The following ETS1 variants were observed in gnomAD, a reference collection of about 807,000 sequenced individuals.
The protein encoded by ETS1 is ETS proto-oncogene 1, transcription factor, also known as protein C-ets-1.
ETS1 carries 15 observed loss-of-function variants against 58.6 expected under a neutral mutation model. The observed-to-expected ratio is 0.26, with a 90% confidence interval of 0.17 to 0.39. The LOEUF is 0.39. Among genes scored for constraint, ETS1 ranks in the 10% least tolerant of loss-of-function variants. The probability of loss-of-function intolerance (pLI) is 1.00; values close to 1 mark genes in which losing one functional copy is unlikely to be tolerated. For missense variants in ETS1, 417 were observed against 610.5 expected, an observed-to-expected ratio of 0.68 and a Z score of 3.34; for synonymous variants, 214 against 218.2, an observed-to-expected ratio of 0.98 and a Z score of 0.17.
intron 3 of ETS1, among the ~76,000 whole-genome samples, chr11:128,541,501 G>C (rs921700727): frequency 6.6e-5 from 10 of 152,188 alleles, no homozygotes; most frequent in African/African-American, 2.4e-4. Context: ...GAAATAAATG[G>C]TGAAGTCCTT....
rs539581978 is a variant in ETS1, at chr11:128,556,492, C to T, written c.70-57G>A. 41 of 1,212,838 alleles carry T rather than the reference C, an allele frequency of 3.4e-5. No homozygotes were observed. The African/African-American group carries it at 5.8e-4, about 17-fold the overall frequency. 75.1% of individuals were successfully genotyped at this position (1,212,838 alleles called of 1,614,324 possible). ...AGGAGGAAAATCTCTGTTGTTTAGC[C>T]CTAAAGAACTATGACTTCATATTAT... is the stretch of plus-strand genomic sequence containing the variant. On this transcript the variant is annotated intron_variant, in intron 2 of 9. Coordinates refer to ENST00000392668, the MANE Select transcript of ETS1 (RefSeq NM_001143820.2).
intron 7 of ETS1, among the ~76,000 whole-genome samples, chr11:128,483,538 G>A (rs1296299945): frequency 6.6e-6 from 1 of 152,172 alleles, no homozygotes; most frequent in Non-Finnish European, 1.5e-5. Context: ...ATAAAAAAGA[G>A]CCAGAAAGGG....
intron 3 of ETS1, among the ~76,000 whole-genome samples, chr11:128,524,352 A>C (rs1038221012): frequency 1.3e-5 from 2 of 152,216 alleles, no homozygotes; most frequent in African/African-American, 4.8e-5. Context: ...TGTCCAAATC[A>C]AGGAATAGGG....
intron 3 of ETS1, among the ~76,000 whole-genome samples, chr11:128,554,742 C>T (rs1450300011): frequency 6.6e-6 from 1 of 151,796 alleles, no homozygotes; most frequent in Non-Finnish European, 1.5e-5. Context: ...TAAAGCAAGG[C>T]AGCTTTAATC....
chr11:128,485,345 A>G (rs1230972697), intron 6 of ETS1, among the ~76,000 whole-genome samples: 1 of 152,238 alleles, frequency 6.6e-6, no homozygotes, highest in Non-Finnish European at 1.5e-5. Flanking sequence ...TGAAATGAGG[A>G]TAGAGGTCAA....
intron 3 of ETS1, among the ~76,000 whole-genome samples, chr11:128,540,137 C>A (rs1039729768): frequency 1.3e-5 from 2 of 152,030 alleles, no homozygotes; most frequent in African/African-American, 2.4e-5. Context: ...CATGGTGAAA[C>A]CTTGTCTCTA....
At chr11:128,502,566 G>A (rs1177784854) in intron 3 of ETS1, among the ~76,000 whole-genome samples, 2 of 152,190 alleles carry the variant, frequency 1.3e-5, no homozygotes, top group East Asian at 1.9e-4. Flanking sequence ...CAAATAAAGA[G>A]GCCAAGAGCT....
intron 8 of ETS1, among the ~76,000 whole-genome samples, chr11:128,473,739 TTGA>T (rs1468810312): frequency 6.6e-6 from 1 of 152,194 alleles, no homozygotes; most frequent in African/African-American, 2.4e-5. Flanking sequence ...AGCGCTTCTC[TTGA>T]ATGAGCCTCT....
chr11:128,501,229 A>C (rs1266847594), intron 3 of ETS1, among the ~76,000 whole-genome samples: 1 of 152,212 alleles, frequency 6.6e-6, no homozygotes, highest in Admixed American at 6.5e-5. Context: ...CCTGAAGAGC[A>C]TCACAAGCAT....
intron 2 of ETS1, among the ~76,000 whole-genome samples, chr11:128,567,933 C>T (rs1351899837): frequency 1.3e-5 from 2 of 152,106 alleles, no homozygotes; most frequent in Non-Finnish European, 2.9e-5. Flanking sequence ...CGCGGCCAGC[C>T]AAGAGTGAGG....
At chr11:128,505,263 C>A (rs992664721) in intron 3 of ETS1, 1 of 152,248 alleles carries the variant, frequency 6.6e-6, no homozygotes, top group Admixed American at 6.5e-5. Flanking sequence ...ATACAACAAA[C>A]CCCACTGACA....
At chr11:128,514,700 G>A (rs1264166574) in intron 3 of ETS1, among the ~76,000 whole-genome samples, 2 of 152,184 alleles carry the variant, frequency 1.3e-5, no homozygotes, top group African/African-American at 4.8e-5. Flanking sequence ...ACCCAGGGAA[G>A]ACTTCATCTG....
Position 128,556,386 on chromosome 11 carries a change from A to G in ETS1, c.119T>C (p.Phe40Ser). ...TCTTTGCTGGTGATAATTGGACTGG[A>G]AACCACAGTTCATTCGAGGATCTTC... is the stretch of plus-strand genomic sequence containing the variant. ...TYEDPRMNCGFQSNYHQQRPC... is the reference protein window; with the variant it reads ...TYEDPRMNCGSQSNYHQQRPC... The change falls in exon 3 of 10, where the codon TTC becomes TCC. Residue 40 changes from phenylalanine (F) to serine (S), a missense_variant. By Grantham distance (155) the Phe-to-Ser change is radical. Coordinates refer to ENST00000392668, the MANE Select transcript of ETS1 (RefSeq NM_001143820.2). 6.2e-7 allele frequency: 1 copy of G among 1,613,112 alleles called. No individual in the cohort carries two copies. The highest frequency in any genetic ancestry group is 8.5e-7 in the Non-Finnish European group (1 of 1,179,172).
At chr11:128,565,239 G>A (rs1281169397) in intron 2 of ETS1, among the ~76,000 whole-genome samples, 1 of 152,142 alleles carries the variant, frequency 6.6e-6, no homozygotes, top group African/African-American at 2.4e-5. Flanking sequence ...GAATGGGTTT[G>A]GCCTCTTCCC....
At chr11:128,506,271 T>C (rs1863228235) in intron 3 of ETS1, among the ~76,000 whole-genome samples, 1 of 151,882 alleles carries the variant, frequency 6.6e-6, no homozygotes, top group African/African-American at 2.4e-5. Context: ...TGGTAAATTT[T>C]ATGTTATATC....
At chr11:128,480,977 G>T (rs982214823) in intron 7 of ETS1, among the ~76,000 whole-genome samples, 2 of 152,188 alleles carry the variant, frequency 1.3e-5, no homozygotes, top group Non-Finnish European at 2.9e-5. Context: ...AGATTAGCCT[G>T]TTTTGACCTT....
At chr11:128,470,519 C>T (rs1225965163) in intron 8 of ETS1, among the ~76,000 whole-genome samples, 2 of 151,630 alleles carry the variant, frequency 1.3e-5, no homozygotes, top group Non-Finnish European at 2.9e-5. Context: ...GTCCTTATTA[C>T]AAAAATCTGC....
In ETS1 at chr11:128,480,428, A is replaced by T. The variant is rs146955207; in HGVS notation, c.886T>A (p.Phe296Ile). Residue 296 changes from phenylalanine (F) to isoleucine (I), a missense_variant, in exon 8 of 10, where the codon TTT (phenylalanine) becomes ATT (isoleucine). Phe to Ile is a conservative substitution (Grantham distance 21). Transcript: ENST00000392668. ...SRGKLGGQDS[F>I]ESIESYDSCD... ...CTATCGTAGCTCTCTATGCTTTCAA[A>T]AGAGTCCTGGCCCCCGAGTTTACCT... 4.5e-4 allele frequency: 720 copies of T among 1,613,666 alleles called. No homozygotes were observed. Among genetic ancestry groups the T allele is most frequent in the Non-Finnish European group, 5.3e-4 (620 of 1,179,778 alleles).
chr11:128,570,835 T>G (rs1006478326), intron 2 of ETS1, among the ~76,000 whole-genome samples: 2 of 152,232 alleles, frequency 1.3e-5, no homozygotes, highest in Admixed American at 1.3e-4. Flanking sequence ...CTGCAAGTCC[T>G]TTGGCAATCG....
Sources: gnomAD v4.1 joint callset for allele counts (sites outside exome capture counted in the v4.1 genomes callset) on GRCh38, gnomAD v4.1.1 for gene constraint, MANE v1.5 for transcripts, NCBI Gene and HGNC (gene_info 2026-07-23, HGNC 2026-07-21) for gene names.